Variants in SNCAIP observed in about 807,000 individuals in gnomAD.
SNCAIP encodes the protein synuclein alpha interacting protein.
A neutral mutation model predicts 86.7 loss-of-function variants in SNCAIP; 43 were observed. The observed-to-expected ratio is 0.50, with a 90% CI of 0.39 to 0.64. The LOEUF is 0.64. Ranked by LOEUF, SNCAIP falls within the 30% of genes least tolerant of loss-of-function variation. The pLI is 0.00. For missense variants in SNCAIP, 981 were observed against 1,103.1 expected (o/e 0.89, Z 1.57); for synonymous variants, 417 against 427.2 (o/e 0.98, Z 0.29).
chr5:122,405,865 T>A (rs1772855364), intron 3 of SNCAIP, among the ~76,000 whole-genome samples: 1 of 152,170 alleles, frequency 6.6e-6, no homozygotes, highest in African/African-American at 2.4e-5. Flanking sequence ...CAATAAATGA[T>A]GGTAGACTTT....
chr5:122,458,380 A>G (rs1041833390), intron 10 of SNCAIP, among the ~76,000 whole-genome samples: 8 of 151,708 alleles, frequency 5.3e-5, no homozygotes, highest in African/African-American at 1.9e-4. Context: ...TTCCCCAGAG[A>G]TCCAGTTTTG....
intron 1 of SNCAIP, among the ~76,000 whole-genome samples, chr5:122,360,174 C>T (rs1196068341): frequency 6.6e-6 from 1 of 152,148 alleles, no homozygotes; most frequent in Non-Finnish European, 1.5e-5. Flanking sequence ...GGCTCATTGT[C>T]TCTAAGTATT....
intron 3 of SNCAIP, among the ~76,000 whole-genome samples, chr5:122,418,463 G>T (rs1177220988): frequency 6.6e-6 from 1 of 152,134 alleles, no homozygotes; most frequent in African/African-American, 2.4e-5. Context: ...ATGTCACTAT[G>T]GTTGTAAATA....
At chr5:122,365,208 A>AC (rs1409638163) in intron 1 of SNCAIP, among the ~76,000 whole-genome samples, 2 of 152,100 alleles carry the variant, frequency 1.3e-5, no homozygotes, top group Non-Finnish European at 2.9e-5. Context: ...GGAACCATGA[A>AC]CCTTATTAAT....
intron 1 of SNCAIP, among the ~76,000 whole-genome samples, chr5:122,366,769 C>T (rs536290217): frequency 9.2e-5 from 14 of 152,148 alleles, no homozygotes; most frequent in African/African-American, 1.9e-4. Flanking sequence ...AACGGAGTTG[C>T]GGCCATCTTC....
intron 8 of SNCAIP, among the ~76,000 whole-genome samples, chr5:122,447,663 A>G (rs1782621825): frequency 6.6e-6 from 1 of 152,228 alleles, no homozygotes; most frequent in African/African-American, 2.4e-5. Context: ...GAATGCTTTT[A>G]TGTTTTTAGT....
At chr5:122,425,187 TATTGTA>T (rs1291030443) in intron 4 of SNCAIP, among the ~76,000 whole-genome samples, 159 bp from the exon 5 acceptor site, 3 of 152,202 alleles carry the variant, frequency 2.0e-5, no homozygotes, top group African/African-American at 7.2e-5. Context: ...TTCTAAAGCA[TATTGTA>T]ACAAAGAATA....
intron 10 of SNCAIP, among the ~76,000 whole-genome samples, chr5:122,455,956 T>C (rs1379668271): frequency 2.0e-5 from 3 of 152,250 alleles, no homozygotes; most frequent in Non-Finnish European, 4.4e-5. Flanking sequence ...TTTAAGTTAT[T>C]GTAACTCCAA....
chr5:122,448,111 G>C (rs116305172), intron 8 of SNCAIP, among the ~76,000 whole-genome samples: 1 of 152,180 alleles, frequency 6.6e-6, no homozygotes, highest in Admixed American at 6.5e-5. Flanking sequence ...CCAGCTAATC[G>C]TTGCTGAGTA....
intron 3 of SNCAIP, among the ~76,000 whole-genome samples, chr5:122,409,939 G>T (rs1773782186): frequency 6.6e-6 from 1 of 152,160 alleles, no homozygotes; most frequent in South Asian, 2.1e-4. Flanking sequence ...CATTTCACAG[G>T]ATGTAATGTA....
At chr5:122,458,048 T>G (rs948495395) in intron 10 of SNCAIP, among the ~76,000 whole-genome samples, 2 of 152,234 alleles carry the variant, frequency 1.3e-5, no homozygotes, top group Non-Finnish European at 1.5e-5. Flanking sequence ...CTCCTTACAC[T>G]GGGAAAAGGA....
intron 1 of SNCAIP, among the ~76,000 whole-genome samples, chr5:122,360,109 T>A (rs1239616447): frequency 5.9e-5 from 9 of 152,188 alleles, no homozygotes; most frequent in Non-Finnish European, 1.5e-5. Context: ...CTGAAACCAC[T>A]TTTCCAGCAT....
In SNCAIP at chr5:122,399,794, A is replaced by G. The variant is rs368180301; in HGVS notation, c.58-3999A>G. On this transcript the variant is annotated intron_variant, in intron 2 of 10. Transcript: ENST00000261368. ...ATGGACATATGCCTAACATCAGGAAATAATATAGGACAATGATTCTACAAC... is the reference window on the plus strand; with the variant it reads ...ATGGACATATGCCTAACATCAGGAAGTAATATAGGACAATGATTCTACAAC... Among the ~76,000 whole-genome samples the G allele has an allele frequency of 3.3e-5, 5 of 152,276 alleles. 1 individual carries two copies. The highest frequency in any genetic ancestry group is 1.3e-4 in the Admixed American group (2 of 15,294).
intron 2 of SNCAIP, among the ~76,000 whole-genome samples, chr5:122,395,273 A>G (rs902566404): frequency 2.0e-5 from 3 of 152,198 alleles, no homozygotes; most frequent in Non-Finnish European, 4.4e-5. Context: ...GCACACAGCC[A>G]CATATATACA....
chr5:122,406,327 G>A (rs1307110469), intron 3 of SNCAIP, among the ~76,000 whole-genome samples: 1 of 152,206 alleles, frequency 6.6e-6, no homozygotes, highest in Non-Finnish European at 1.5e-5. Flanking sequence ...AAAGCTAGCA[G>A]ATTTCTATCT....
intron 5 of SNCAIP, among the ~76,000 whole-genome samples, chr5:122,426,599 G>T (rs1777414472): frequency 6.6e-6 from 1 of 152,058 alleles, no homozygotes. Context: ...TTCAAATCTA[G>T]CATAGAAGAT....
At chr5:122,397,108 A>G (rs1770777791) in intron 2 of SNCAIP, among the ~76,000 whole-genome samples, 1 of 152,132 alleles carries the variant, frequency 6.6e-6, no homozygotes, top group Non-Finnish European at 1.5e-5. Context: ...CTTGTTTTTT[A>G]CCAGTGAAGA....
In SNCAIP at chr5:122,463,646, G is replaced by T; in HGVS notation, c.*150G>T. 1.3e-6 allele frequency: 1 copy of T among 754,964 alleles called. No homozygotes were observed. Among genetic ancestry groups the T allele is most frequent in the Non-Finnish European group, 2.2e-6 (1 of 457,440 alleles). The allele number at this position is 754,964 out of a possible 1,614,324, so 46.8% of individuals were successfully genotyped here. A position where few individuals can be genotyped will look rare whatever the true frequency, so the allele number is the denominator to read the frequency against. On this transcript the variant is annotated 3_prime_UTR_variant, in exon 11 of 11. Coordinates refer to ENST00000261368, the MANE Select transcript of SNCAIP (RefSeq NM_005460.4). ...GGAAATTTCTGGACTATCCTCTTTGGAAAGAGAACCATGAAAACAATGCCT... is the reference window on the plus strand; with the variant it reads ...GGAAATTTCTGGACTATCCTCTTTGTAAAGAGAACCATGAAAACAATGCCT...
intron 1 of SNCAIP, among the ~76,000 whole-genome samples, chr5:122,333,018 A>C (rs1001453902): frequency 3.3e-5 from 5 of 152,234 alleles, no homozygotes; most frequent in African/African-American, 1.2e-4. Flanking sequence ...GGAGAAAATA[A>C]GCCATTAAAA....
Sources: allele counts gnomAD v4.1 joint callset (sites outside exome capture counted in the v4.1 genomes callset), GRCh38; gene constraint gnomAD v4.1.1; transcripts MANE v1.5; gene names NCBI Gene and HGNC (gene_info 2026-07-23, HGNC 2026-07-21).